Variants in DKK3 observed in about 807,000 individuals in gnomAD.
The protein encoded by DKK3 is dickkopf Wnt signaling pathway inhibitor 3, also known as dickkopf-related protein 3.
A neutral mutation model predicts 33.2 loss-of-function variants in DKK3; 22 were observed. The ratio of observed to expected loss-of-function variants is 0.66; its 90% CI spans 0.47 to 0.95. The LOEUF is 0.95. Among genes scored for constraint, DKK3 ranks in the 40% least tolerant of loss-of-function variants. The pLI is 0.00. For synonymous variants in DKK3, 194 were observed against 188.8 expected (o/e 1.03, Z -0.23); for missense variants, 398 against 458.4 (o/e 0.87, Z 1.20).
At chr11:11,968,642 C>T (rs567662552) in intron 3 of DKK3, 155 bp from the exon 4 acceptor site, 251 of 598,882 alleles carry the variant, frequency 4.2e-4, no homozygotes, top group Non-Finnish European at 6.0e-4. Context: ...CGCTCCTGAT[C>T]CCTGCCTGGC....
At chr11:11,966,640 T>C (rs1847602887) in intron 5 of DKK3, among the ~76,000 whole-genome samples, 1 of 151,916 alleles carries the variant, frequency 6.6e-6, no homozygotes, top group Admixed American at 6.6e-5. Context: ...AAGCGGGTGA[T>C]TCACAGGTAG....
At chr11:12,007,437 G>A (rs971534145) in intron 1 of DKK3, among the ~76,000 whole-genome samples, 1 of 152,128 alleles carries the variant, frequency 6.6e-6, no homozygotes, top group African/African-American at 2.4e-5. Flanking sequence ...ACAGCTCCCC[G>A]CACCTGGACA....
chr11:12,008,220 G>T lies in DKK3; in HGVS notation c.213+150C>A. The T allele has an allele frequency of 9.6e-7, 1 of 1,036,868 alleles. No homozygotes were observed. Among genetic ancestry groups the T allele is most frequent in the Non-Finnish European group, 1.3e-6 (1 of 745,006 alleles). The allele number at this position is 1,036,868 out of a possible 1,614,324, so 64.2% of individuals were successfully genotyped here. On this transcript the variant is annotated intron_variant, in intron 1 of 6. Transcript: ENST00000683431. This position sits in a 1 kb window ranked among gnomAD's most constrained non-coding sequence, Gnocchi z 4.6. The stretch of plus-strand genomic sequence containing the variant: ...GCGGGAGTAGGGATCACCGTGCGCT[G>T]CCTCCAGGTCACTCCGCATCTGCTG...
chr11:11,971,798 T>C (rs149615445), intron 3 of DKK3, among the ~76,000 whole-genome samples: 5 of 152,322 alleles, frequency 3.3e-5, no homozygotes, highest in South Asian at 2.1e-4. Context: ...ACAAAGCATA[T>C]TCCCTTCAAA....
Position 11,963,744 on chromosome 11 carries a change from C to G in DKK3, c.*720G>C, listed in dbSNP as rs1847513748. Reference sequence around the variant, plus strand: ...AGAGCACTGAGCTTAGAGTCACAACCAGATGAAACTGCTCTGGTCTTCACT... The same window carrying G: ...AGAGCACTGAGCTTAGAGTCACAACGAGATGAAACTGCTCTGGTCTTCACT... On this transcript the variant is annotated 3_prime_UTR_variant, in exon 7 of 7. Coordinates refer to ENST00000683431, the MANE Select transcript of DKK3 (RefSeq NM_001018057.2). 6.6e-6 allele frequency: 1 copy of G among 152,318 alleles called. No individual in the cohort carries two copies. The highest frequency in any genetic ancestry group is 1.5e-5 in the Non-Finnish European group (1 of 68,056). The allele number at this position is 152,318 out of a possible 1,614,324, so 9.4% of individuals were successfully genotyped here. A position where few individuals can be genotyped will look rare whatever the true frequency, so the allele number is the denominator to read the frequency against.
chr11:12,000,111 T>C (rs887987733), intron 2 of DKK3, among the ~76,000 whole-genome samples: 1 of 152,254 alleles, frequency 6.6e-6, no homozygotes, highest in African/African-American at 2.4e-5. Flanking sequence ...AAGAAGAATA[T>C]AAGTTTTCCA....
At position 11,981,784 on chromosome 11, in the gene DKK3, C is replaced by T. The variant is rs76943086; in HGVS notation, c.436-13297G>A. Among the ~76,000 whole-genome samples the T allele has an allele frequency of 1.7e-3, 262 of 152,294 alleles. 1 individual carries two copies. The highest frequency in any genetic ancestry group is 6.1e-3 in the African/African-American group (255 of 41,570). On this transcript the variant is annotated intron_variant, in intron 3 of 6. Coordinates refer to ENST00000683431, the MANE Select transcript of DKK3 (RefSeq NM_001018057.2). ...TTTATAGCCCCATGACTGATGTCAGCAACTTTTCCATCTCTACTTTGACCC... is the reference window on the plus strand; with the variant it reads ...TTTATAGCCCCATGACTGATGTCAGTAACTTTTCCATCTCTACTTTGACCC...
At chr11:11,993,068 C>T (rs184001389) in intron 3 of DKK3, among the ~76,000 whole-genome samples, 21 of 152,228 alleles carry the variant, frequency 1.4e-4, no homozygotes, top group Middle Eastern at 6.8e-3. Flanking sequence ...CAGTATCTCT[C>T]AAAATTTTAG....
At chr11:12,001,986 A>G (rs571143905) in intron 2 of DKK3, 44 of 217,262 alleles carry the variant, frequency 2.0e-4, no homozygotes, top group African/African-American at 9.3e-4. Flanking sequence ...CAATGCTAGG[A>G]AAGGGTCTTT....
intron 3 of DKK3, 45 bp from the exon 4 acceptor site, chr11:11,968,532 C>G (rs1383000870): frequency 3.8e-6 from 6 of 1,576,050 alleles, no homozygotes; most frequent in Admixed American, 1.7e-5. Context: ...GAGAGCAGAG[C>G]AGCAGGCCCA....
chr11:12,003,995 C>T (rs1393457301), intron 1 of DKK3, among the ~76,000 whole-genome samples: 33 of 152,180 alleles, frequency 2.2e-4, no homozygotes, highest in Admixed American at 2.2e-3. Flanking sequence ...TCTGAGATGG[C>T]TGCTGAGATG....
At chr11:12,006,249 T>C (rs1230170086) in intron 1 of DKK3, among the ~76,000 whole-genome samples, 2 of 152,148 alleles carry the variant, frequency 1.3e-5, no homozygotes, top group East Asian at 3.9e-4. Context: ...TCATGATAGT[T>C]TCACAATCAC....
chr11:11,970,605 T>G (rs898584688), intron 3 of DKK3, among the ~76,000 whole-genome samples: 1 of 152,220 alleles, frequency 6.6e-6, no homozygotes, highest in Non-Finnish European at 1.5e-5. Context: ...TCAGCTGACC[T>G]GAAGGTAGGG....
rs1848580419 is a variant in DKK3 at position 12,008,312 on chromosome 11, A to G, written c.213+58T>C. On this transcript the variant is annotated intron_variant, in intron 1 of 6. Coordinates refer to ENST00000683431, the MANE Select transcript of DKK3 (RefSeq NM_001018057.2). This position sits in a 1 kb window ranked among gnomAD's most constrained non-coding sequence, Gnocchi z 4.6. Reference sequence around the variant, plus strand: ...CCAGCGCTCTTCCATGCCTTCCCAGACTTCGCTGCCCCCAGTCTGGCGCTT... The same window carrying G: ...CCAGCGCTCTTCCATGCCTTCCCAGGCTTCGCTGCCCCCAGTCTGGCGCTT... 2 of 1,542,304 alleles carry G rather than the reference A, an allele frequency of 1.3e-6. No homozygotes were observed. Among genetic ancestry groups the G allele is most frequent in the Non-Finnish European group, 1.7e-6 (2 of 1,149,930 alleles).
chr11:11,998,667 G>C, intron 3 of DKK3, 29 bp downstream of exon 3: 2 of 1,588,010 alleles, frequency 1.3e-6, no homozygotes, highest in Non-Finnish European at 1.7e-6. Context: ...GTGTGTCGGG[G>C]TGCAAGTACA....
intron 3 of DKK3, among the ~76,000 whole-genome samples, chr11:11,982,701 T>TA (rs1269630917): frequency 2.0e-4 from 30 of 152,236 alleles, no homozygotes; most frequent in Non-Finnish European, 4.4e-5. Context: ...CAGCCAGTCC[T>TA]CGGGCCACAA....
intron 2 of DKK3, among the ~76,000 whole-genome samples, chr11:12,000,243 C>T (rs1453543839): frequency 6.6e-6 from 1 of 152,162 alleles, no homozygotes; most frequent in Non-Finnish European, 1.5e-5. Context: ...CTTGCTCTGT[C>T]GCCCAGGCTG....
At chr11:12,002,173 G>T in intron 2 of DKK3, 127 bp downstream of exon 2, 2 of 1,058,822 alleles carry the variant, frequency 1.9e-6, no homozygotes, top group Non-Finnish European at 1.3e-6. Flanking sequence ...TTTTCAATCC[G>T]TATTTTATGA....
intron 3 of DKK3, among the ~76,000 whole-genome samples, chr11:11,995,246 A>AT (rs1476763179): frequency 2.0e-5 from 3 of 151,890 alleles, no homozygotes; most frequent in South Asian, 2.1e-4. Flanking sequence ...GGCCCGGCTA[A>AT]TTTTTTTTAT....
Sources: gnomAD v4.1 joint callset for allele counts (sites outside exome capture counted in the v4.1 genomes callset) on GRCh38, gnomAD v4.1.1 for gene constraint, Gnocchi (gnomAD v3.1) non-coding constraint, MANE v1.5 for transcripts, NCBI Gene and HGNC (gene_info 2026-07-23, HGNC 2026-07-21) for gene names.